ARID3A: variants seen among roughly 807,000 people sequenced by gnomAD.
The protein encoded by ARID3A is AT-rich interactive domain-containing protein 3A.
ARID3A carries 11 observed loss-of-function variants against 52.7 expected under a neutral mutation model. The observed-to-expected ratio is 0.21, with a 90% CI of 0.13 to 0.35. The LOEUF (loss-of-function observed/expected upper bound fraction) is 0.35. Ranked by LOEUF, ARID3A falls within the 10% of genes least tolerant of loss-of-function variation. The probability of loss-of-function intolerance (pLI) is 1.00; values close to 1 mark genes in which losing one functional copy is unlikely to be tolerated. For missense variants in ARID3A, 721 were observed against 838.5 expected (o/e 0.86, Z 1.73); for synonymous variants, 404 against 359.4 (o/e 1.12, Z -1.40).
chr19:968,623 C>T lies in ARID3A; in HGVS notation c.1594+120C>T, dbSNP rs78850921. On this transcript the variant is annotated intron_variant, in intron 8 of 8. Transcript: ENST00000263620. ...CCTAGGTGTGCGGGCGAGCAGGGCACGGCCAGGGGCTTTGCAGGACAAACA... is the reference window on the plus strand; with the variant it reads ...CCTAGGTGTGCGGGCGAGCAGGGCATGGCCAGGGGCTTTGCAGGACAAACA... 1,668 of 819,506 alleles carry T rather than the reference C, an allele frequency of 2.0e-3. 16 individuals are homozygous for T. In the African/African-American group the frequency reaches 0.025, roughly 12 times the overall value. 50.8% of individuals were successfully genotyped at this position (819,506 alleles called of 1,614,324 possible).
In ARID3A at chr19:972,758, G is replaced by A. The variant is rs954357149; in HGVS notation, c.*693G>A. 9.5e-5 allele frequency: 13 copies of A among 136,234 alleles called. No individual in the cohort carries two copies. Among genetic ancestry groups the A allele is most frequent in the Middle Eastern group, 5.0e-3 (1 of 202 alleles). 8.4% of individuals were successfully genotyped at this position (136,234 alleles called of 1,614,324 possible). A position where few individuals can be genotyped will look rare whatever the true frequency, so the allele number is the denominator to read the frequency against. On this transcript the variant is annotated 3_prime_UTR_variant, in exon 9 of 9. Transcript: ENST00000263620. ...TATATCTATATAGCTATATATTTGT[G>A]TTCCTTCAGGGAAACTGGTCTTGAA...
Position 973,729 on chromosome 19 carries a change from C to G in ARID3A, c.*1664C>G, listed in dbSNP as rs556924830. Reference sequence around the variant, plus strand: ...GCTGGGGCTGCGAGCTCCCCGAGTTCTGCGGTGACTAAATCGAGGCCGAGA... The same window carrying G: ...GCTGGGGCTGCGAGCTCCCCGAGTTGTGCGGTGACTAAATCGAGGCCGAGA... On this transcript the variant is annotated 3_prime_UTR_variant, in exon 9 of 9. Transcript: ENST00000263620. 242 of 228,106 alleles carry G rather than the reference C, an allele frequency of 1.1e-3. 1 individual carries two copies. The highest frequency in any genetic ancestry group is 4.7e-3 in the African/African-American group (214 of 45,078). 14.1% of individuals were successfully genotyped at this position (228,106 alleles called of 1,614,324 possible).
In ARID3A at chr19:960,554, G is replaced by A. The variant is rs1372440818; in HGVS notation, c.766+390G>A. Among the ~76,000 whole-genome samples, 62 of 152,260 alleles carry A rather than the reference G, an allele frequency of 4.1e-4. No homozygotes were observed. Among genetic ancestry groups the A allele is most frequent in the Non-Finnish European group, 1.2e-4 (8 of 68,004 alleles). ...AGTGGGGTCAGATTCGGGCTGGCCA[G>A]GTGGGTGCAGGTGCGGCAGGACAGA... On this transcript the variant is annotated intron_variant, in intron 4 of 8. Transcript: ENST00000263620. The surrounding 1 kb of genome is among the most constrained non-coding windows in gnomAD (Gnocchi z 4.3).
rs1345807601 is a variant in ARID3A, at chr19:929,864, G to C, written c.336G>C (p.Glu112Asp). 6 of 1,543,920 alleles carry C rather than the reference G, an allele frequency of 3.9e-6. No homozygotes were observed. The highest frequency in any genetic ancestry group is 5.2e-6 in the Non-Finnish European group (6 of 1,146,948). Residue 112 changes from glutamate (E) to aspartate (D), a missense_variant, in exon 2 of 9, where the codon GAG (glutamate) becomes GAC (aspartate). By Grantham distance (45) the Glu-to-Asp change is conservative. Coordinates refer to ENST00000263620, the MANE Select transcript of ARID3A (RefSeq NM_005224.3). This position sits in a 1 kb window ranked among gnomAD's most constrained non-coding sequence, Gnocchi z 6.2. ...PGRGREGPGE[E>D]HFEDMASDED... ...GAGGCAGAGAAGGGCCAGGAGAGGA[G>C]CACTTTGAGGACATGGCCTCCGACG...
rs1413585765 is a variant in ARID3A, at chr19:973,858, G to C, written c.*1793G>C. On this transcript the variant is annotated 3_prime_UTR_variant, in exon 9 of 9. Transcript: ENST00000263620. ...CTGGGGGGTTATTTTGGCTGGAGCT[G>C]CTGGAGCAGAAAGGCTGGGTCTGAA... 8.7e-6 allele frequency: 2 copies of C among 230,838 alleles called. No homozygotes were observed. The highest frequency in any genetic ancestry group is 4.4e-5 in the African/African-American group (2 of 45,186). 14.3% of individuals were successfully genotyped at this position (230,838 alleles called of 1,614,324 possible). A position where few individuals can be genotyped will look rare whatever the true frequency, so the allele number is the denominator to read the frequency against.
At chr19:926,020 C>T (rs1327833746), upstream of ARID3A, 1 of 142,032 alleles carries the variant, frequency 7.0e-6, no homozygotes, top group African/African-American at 2.6e-5. Context: ...TCTTACCAAT[C>T]GGGCGGAGGG....
chr19:937,033 T>C (rs10404470), intron 3 of ARID3A, among the ~76,000 whole-genome samples: 30,000 of 151,890 alleles, frequency 0.2, 3,496 homozygotes, highest in East Asian at 0.47. Flanking sequence ...TTTGGGAGGC[T>C]GAGGTGGGCA....
chr19:975,379 G>T lies in ARID3A; in HGVS notation c.*3314G>T, dbSNP rs2038359005. 1 of 231,472 alleles carries T rather than the reference G, an allele frequency of 4.3e-6. No individual in the cohort carries two copies. Among genetic ancestry groups the T allele is most frequent in the South Asian group, 1.8e-4 (1 of 5,506 alleles). 14.3% of individuals were successfully genotyped at this position (231,472 alleles called of 1,614,324 possible). A position where few individuals can be genotyped will look rare whatever the true frequency, so the allele number is the denominator to read the frequency against. Reference sequence around the variant, plus strand: ...TGGGCACGGGGCACGGGGGGCAGCTGGGGTCGTTGTTAAGGGTCACGCATC... The same window carrying T: ...TGGGCACGGGGCACGGGGGGCAGCTTGGGTCGTTGTTAAGGGTCACGCATC... On this transcript the variant is annotated 3_prime_UTR_variant, in exon 9 of 9. Coordinates refer to ENST00000263620, the MANE Select transcript of ARID3A (RefSeq NM_005224.3).
At chr19:934,059 T>C (rs530353555) in intron 3 of ARID3A, among the ~76,000 whole-genome samples, 82 of 152,314 alleles carry the variant, frequency 5.4e-4, no homozygotes, top group Non-Finnish European at 8.8e-4. Flanking sequence ...TTTAATTTCA[T>C]TAATTTAATT....
At chr19:963,821 C>G (rs886992) in intron 4 of ARID3A, among the ~76,000 whole-genome samples, 101,631 of 152,144 alleles carry the variant, frequency 0.67, 34,910 homozygotes, top group Middle Eastern at 0.79. Flanking sequence ...CCAGGCTTTA[C>G]CCCTTGCCTG....
Position 974,497 on chromosome 19 carries a change from C to T in ARID3A, c.*2432C>T, listed in dbSNP as rs1347947515. ...CCCGTCCCACGCCTGGGCCCCGCGCCGGGGGAAGCGCCTGCTGCCTATCTC... is the reference window on the plus strand; with the variant it reads ...CCCGTCCCACGCCTGGGCCCCGCGCTGGGGGAAGCGCCTGCTGCCTATCTC... On this transcript the variant is annotated 3_prime_UTR_variant, in exon 9 of 9. Coordinates refer to ENST00000263620, the MANE Select transcript of ARID3A (RefSeq NM_005224.3). 2.2e-5 allele frequency: 5 copies of T among 230,740 alleles called. No homozygotes were observed. The highest frequency in any genetic ancestry group is 1.8e-4 in the South Asian group (1 of 5,516). 14.3% of individuals were successfully genotyped at this position (230,740 alleles called of 1,614,324 possible).
chr19:926,848 T>C (rs2037210518), intron 1 of ARID3A, among the ~76,000 whole-genome samples: 1 of 152,078 alleles, frequency 6.6e-6, no homozygotes, highest in Admixed American at 6.5e-5. Flanking sequence ...CGGGTTCAAT[T>C]ATCTTCCGTT....
At position 938,722 on chromosome 19, in the gene ARID3A, C is replaced by T. The variant is rs1183851786; in HGVS notation, c.693+5980C>T. On this transcript the variant is annotated intron_variant, in intron 3 of 8. Coordinates refer to ENST00000263620, the MANE Select transcript of ARID3A (RefSeq NM_005224.3). The surrounding 1 kb of genome is among the most constrained non-coding windows in gnomAD (Gnocchi z 4.0). Reference sequence around the variant, plus strand: ...TGGGGCAGGGACGGCCACCAGCAGCCTCTCAGGCTCAAGGCCAGACACACC... The same window carrying T: ...TGGGGCAGGGACGGCCACCAGCAGCTTCTCAGGCTCAAGGCCAGACACACC... 6.6e-6 allele frequency among the ~76,000 whole-genome samples: 1 copy of T among 152,186 alleles called. No individual in the cohort carries two copies. Among genetic ancestry groups the T allele is most frequent in the Non-Finnish European group, 1.5e-5 (1 of 68,036 alleles).
At chr19:943,309 C>T (rs2037596853) in intron 3 of ARID3A, among the ~76,000 whole-genome samples, 2 of 151,336 alleles carry the variant, frequency 1.3e-5, no homozygotes, top group Non-Finnish European at 2.9e-5. Flanking sequence ...TGTCTCATGC[C>T]TGTAATCCCA....
chr19:966,468 A>C, intron 6 of ARID3A, 104 bp from the exon 7 acceptor site: 2 of 1,080,618 alleles, frequency 1.9e-6, no homozygotes, highest in South Asian at 2.2e-5. Flanking sequence ...CAAAAAAAAA[A>C]AAAAAAAGAA....
At chr19:937,202 T>G (rs1299978394) in intron 3 of ARID3A, among the ~76,000 whole-genome samples, 2 of 152,068 alleles carry the variant, frequency 1.3e-5, no homozygotes, top group African/African-American at 4.8e-5. Context: ...AGGCGGAGAT[T>G]GCCGTGAGCC....
intron 8 of ARID3A, among the ~76,000 whole-genome samples, chr19:969,627 G>A (rs1339923104): frequency 6.7e-6 from 1 of 150,222 alleles, no homozygotes; most frequent in African/African-American, 2.4e-5. Context: ...AGATTTATAT[G>A]TATCTATAAA....
rs1322446300 is a variant in ARID3A at position 959,316 on chromosome 19, C to T, written c.694-776C>T. 6.6e-6 allele frequency among the ~76,000 whole-genome samples: 1 copy of T among 152,184 alleles called. No homozygotes were observed. Among genetic ancestry groups the T allele is most frequent in the African/African-American group, 2.4e-5 (1 of 41,448 alleles). On this transcript the variant is annotated intron_variant, in intron 3 of 8. Coordinates refer to ENST00000263620, the MANE Select transcript of ARID3A (RefSeq NM_005224.3). The surrounding 1 kb of genome is among the most constrained non-coding windows in gnomAD (Gnocchi z 5.0). Reference sequence around the variant, plus strand: ...AGAGACAGGGTTGCGTTCTGTCGCCCAGGCTGGAGTGCAGTGGTGCGGTCT... The same window carrying T: ...AGAGACAGGGTTGCGTTCTGTCGCCTAGGCTGGAGTGCAGTGGTGCGGTCT...
intron 7 of ARID3A, among the ~76,000 whole-genome samples, chr19:967,707 A>T (rs1270190306): frequency 6.6e-6 from 1 of 152,194 alleles, no homozygotes; most frequent in African/African-American, 2.4e-5. Context: ...AGTTGGCGAG[A>T]CAGACAGAAA....
Sources: gnomAD v4.1 joint callset for allele counts (sites outside exome capture counted in the v4.1 genomes callset) on GRCh38, gnomAD v4.1.1 for gene constraint, Gnocchi (gnomAD v3.1) non-coding constraint, MANE v1.5 for transcripts, NCBI Gene and HGNC (gene_info 2026-07-23, HGNC 2026-07-21) for gene names.